Variants in ADNP2 observed in about 807,000 individuals in gnomAD.
ADNP2 encodes the protein ADNP homeobox 2, also known as activity-dependent neuroprotector homeobox protein 2.
In ADNP2, 8 loss-of-function variants were observed where a neutral mutation model predicts 16.4. The observed-to-expected ratio is 0.49, with a 90% CI of 0.29 to 0.88. ADNP2 has a LOEUF of 0.88. Ranked by LOEUF, ADNP2 falls within the 40% of genes least tolerant of loss-of-function variation. ADNP2 has a pLI of 0.09. For missense variants in ADNP2, 1,397 were observed against 1,395.1 expected, an observed-to-expected ratio of 1.00 and a Z score of -0.02; for synonymous variants, 637 against 545.8, an observed-to-expected ratio of 1.17 and a Z score of -2.33.
At chr18:80,134,004 T>G (rs2059200301) in intron 3 of ADNP2, among the ~76,000 whole-genome samples, 2 of 151,980 alleles carry the variant, frequency 1.3e-5, no homozygotes, top group African/African-American at 4.8e-5. Flanking sequence ...AGATAAGCAT[T>G]TTTATTTTTA....
At chr18:80,134,852 T>A (rs1015811838) in intron 3 of ADNP2, among the ~76,000 whole-genome samples, 2 of 152,186 alleles carry the variant, frequency 1.3e-5, no homozygotes, top group Non-Finnish European at 2.9e-5. Context: ...TCAGATAGTT[T>A]ATTGGGTACC....
chr18:80,124,587 C>G (rs1475067784), intron 2 of ADNP2, among the ~76,000 whole-genome samples: 1 of 152,144 alleles, frequency 6.6e-6, no homozygotes, highest in African/African-American at 2.4e-5. Flanking sequence ...TCCAGAAGAC[C>G]ACCAAACCCA....
intron 2 of ADNP2, among the ~76,000 whole-genome samples, chr18:80,119,727 A>G (rs1302428251): frequency 6.6e-6 from 1 of 152,168 alleles, no homozygotes; most frequent in Non-Finnish European, 1.5e-5. Context: ...GCACATAGAA[A>G]CTCTTTAGGA....
chr18:80,122,274 G>C (rs1453046178), intron 2 of ADNP2, among the ~76,000 whole-genome samples: 1 of 152,140 alleles, frequency 6.6e-6, no homozygotes, highest in East Asian at 1.9e-4. Flanking sequence ...TTTTGAAATT[G>C]GGAAGTGTGA....
At chr18:80,122,003 GCCTCCTGGGTT>G in intron 2 of ADNP2, among the ~76,000 whole-genome samples, 1 of 151,730 alleles carries the variant, frequency 6.6e-6, no homozygotes, top group Non-Finnish European at 1.5e-5. Flanking sequence ...TGCAACCTCT[GCCTCCTGGGTT>G]CAAGAAGTGA....
At chr18:80,119,781 G>T (rs995797189) in intron 2 of ADNP2, among the ~76,000 whole-genome samples, 1 of 152,154 alleles carries the variant, frequency 6.6e-6, no homozygotes, top group Non-Finnish European at 1.5e-5. Context: ...AATTAACATT[G>T]GATCTGGGAT....
In ADNP2 at chr18:80,137,795, G is replaced by A; in HGVS notation, c.2382G>A (p.Leu794=). 1.9e-6 allele frequency: 3 copies of A among 1,614,176 alleles called. No individual in the cohort carries two copies. Among genetic ancestry groups the A allele is most frequent in the Middle Eastern group, 1.6e-4 (1 of 6,062 alleles). The part of the protein sequence containing the change: ...GLSEHSRNRH[L]GKKKLPMDYS... ...CAGAGCACAGCAGGAATAGGCACCTGGGGAAGAAGAAGTTGCCTATGGATT... is the reference window on the plus strand; with the variant it reads ...CAGAGCACAGCAGGAATAGGCACCTAGGGAAGAAGAAGTTGCCTATGGATT... Residue 794 remains leucine, a synonymous_variant, in exon 4 of 4, where the codon CTG becomes CTA. Coordinates refer to ENST00000262198, the MANE Select transcript of ADNP2 (RefSeq NM_014913.4). The surrounding 1 kb of genome is among the most constrained non-coding windows in gnomAD (Gnocchi z 4.2).
rs2052556334 is a variant in ADNP2 at position 80,138,262 on chromosome 18, A to G, written c.2849A>G (p.Gln950Arg). The G allele has an allele frequency of 6.2e-7, 1 of 1,613,996 alleles. No individual in the cohort carries two copies. The highest frequency in any genetic ancestry group is 8.5e-7 in the Non-Finnish European group (1 of 1,180,046). The change falls in exon 4 of 4, where the codon CAG becomes CGG. Residue 950 changes from glutamine (Q) to arginine (R), a missense_variant. Gln to Arg is a conservative substitution (Grantham distance 43). Coordinates refer to ENST00000262198, the MANE Select transcript of ADNP2 (RefSeq NM_014913.4). ...SAPKDSSSDL[Q>R]AQPGFIHNSE... is the part of the protein sequence containing the mutation. ...CCCAAGGACAGCAGCTCAGACCTGC[A>G]GGCCCAGCCGGGTTTTATTCACAAC...
At chr18:80,117,502 T>C (rs376353332) in intron 1 of ADNP2, 28 bp from the exon 2 acceptor site, 14 of 1,429,900 alleles carry the variant, frequency 9.8e-6, no homozygotes, top group East Asian at 9.6e-5. Flanking sequence ...CATGTACTTA[T>C]TACAGTTTTG....
chr18:80,134,235 T>G (rs774387349), intron 3 of ADNP2, among the ~76,000 whole-genome samples: 16 of 152,148 alleles, frequency 1.1e-4, no homozygotes, highest in Admixed American at 4.6e-4. Context: ...TATCTCGTAA[T>G]GTAACTCCAG....
Position 80,136,473 on chromosome 18 carries a change from C to A in ADNP2, c.1060C>A (p.Pro354Thr), listed in dbSNP as rs775564981. Reference protein sequence around the residue: ...SLTLQPPAPQPVFLSHGVPLH... With the variant: ...SLTLQPPAPQTVFLSHGVPLH... ...CACCCTGCAGCCCCCAGCACCTCAG[C>A]CCGTCTTTCTTTCTCACGGGGTTCC... Residue 354 changes from proline (P) to threonine (T), a missense_variant, in exon 4 of 4, where the codon CCC (proline) becomes ACC (threonine). Coordinates refer to ENST00000262198, the MANE Select transcript of ADNP2 (RefSeq NM_014913.4). 1.2e-6 allele frequency: 2 copies of A among 1,614,142 alleles called. No individual in the cohort carries two copies. The highest frequency in any genetic ancestry group is 8.5e-7 in the Non-Finnish European group (1 of 1,180,020).
Position 80,136,957 on chromosome 18 carries a change from T to A in ADNP2, c.1544T>A (p.Val515Asp). ...PLRVISAGQV[V>D]PSGLLSPNQT... is the part of the protein sequence containing the mutation. ...AGGGTTATCTCTGCAGGCCAGGTGG[T>A]CCCGTCTGGGCTTCTTTCTCCCAAC... Residue 515 changes from valine to aspartate, a missense_variant, in exon 4 of 4, where the codon GTC becomes GAC. Physicochemically the swap from Val to Asp is radical, Grantham distance 152 (BLOSUM62 -3). Around this residue, in one of 3 missense-constraint regions of ADNP2, gnomAD observed 777 missense variants for 719.4 expected, o/e 1.08. Coordinates refer to ENST00000262198, the MANE Select transcript of ADNP2 (RefSeq NM_014913.4). 1 of 1,613,886 alleles carries A rather than the reference T, an allele frequency of 6.2e-7. No homozygotes were observed. The highest frequency in any genetic ancestry group is 8.5e-7 in the Non-Finnish European group (1 of 1,179,846).
chr18:80,117,637 A>G lies in ADNP2; in HGVS notation c.95A>G (p.Lys32Arg), dbSNP rs1281919365. Residue 32 changes from lysine to arginine, a missense_variant, in exon 2 of 4, where the codon AAG (lysine) becomes AGG (arginine). By Grantham distance (26) the Lys-to-Arg change is conservative. Around this residue, in one of 3 missense-constraint regions of ADNP2, gnomAD observed 777 missense variants for 719.4 expected, o/e 1.08. Coordinates refer to ENST00000262198, the MANE Select transcript of ADNP2 (RefSeq NM_014913.4). ...GTGGATATTGGGCTTGACAGCTGCA[A>G]GGAGTTACTGAAGGTAAGAGGACGT... The part of the protein sequence containing the change: ...ILVDIGLDSC[K>R]ELLKDLKGFD... 1.9e-6 allele frequency: 3 copies of G among 1,605,424 alleles called. No homozygotes were observed. Among genetic ancestry groups the G allele is most frequent in the African/African-American group, 2.7e-5 (2 of 74,380 alleles).
intron 2 of ADNP2, among the ~76,000 whole-genome samples, chr18:80,124,500 G>T (rs898426895): frequency 6.6e-6 from 1 of 152,218 alleles, no homozygotes; most frequent in African/African-American, 2.4e-5. Flanking sequence ...CATAGGGCAA[G>T]GTATAGGGGA....
Position 80,138,672 on chromosome 18 carries a change from G to A in ADNP2, c.3259G>A (p.Val1087Met). The change falls in exon 4 of 4, where the codon GTG becomes ATG. Residue 1087 changes from valine (V) to methionine (M), a missense_variant. Val to Met is a conservative substitution (Grantham distance 21, BLOSUM62 1). Transcript: ENST00000262198. Reference sequence around the variant, plus strand: ...ACTCTTTTGGGTGTGGAAAATTGATGTGGCTTCATTTTTTGGAAAAAGAAG... The same window carrying A: ...ACTCTTTTGGGTGTGGAAAATTGATATGGCTTCATTTTTTGGAAAAAGAAG... ...SSLFWVWKID[V>M]ASFFGKRRYI... The A allele has an allele frequency of 1.2e-6, 2 of 1,612,558 alleles. No homozygotes were observed. The highest frequency in any genetic ancestry group is 1.1e-5 in the South Asian group (1 of 90,254).
chr18:80,139,454 A>T lies in ADNP2; in HGVS notation c.*645A>T, dbSNP rs1305082851. The T allele has an allele frequency of 6.6e-6, 1 of 152,464 alleles. No individual in the cohort carries two copies. The highest frequency in any genetic ancestry group is 1.5e-5 in the Non-Finnish European group (1 of 68,026). The allele number at this position is 152,464 out of a possible 1,614,324, so 9.4% of individuals were successfully genotyped here. On this transcript the variant is annotated 3_prime_UTR_variant, in exon 4 of 4. Transcript: ENST00000262198. ...AAATCAAATGTTTTTATTTGTTAAA[A>T]GTAGACTGAATTTGACATCTGGTAT...
Position 80,137,806 on chromosome 18 carries a change from A to G in ADNP2, c.2393A>G (p.Lys798Arg). Residue 798 changes from lysine to arginine, a missense_variant, in exon 4 of 4, where the codon AAG becomes AGG. Lys to Arg is a conservative substitution (Grantham distance 26, BLOSUM62 2). Coordinates refer to ENST00000262198, the MANE Select transcript of ADNP2 (RefSeq NM_014913.4). The surrounding 1 kb of genome is among the most constrained non-coding windows in gnomAD (Gnocchi z 4.2). The stretch of plus-strand genomic sequence containing the variant: ...AGGAATAGGCACCTGGGGAAGAAGA[A>G]GTTGCCTATGGATTATAGCAACAGA... The part of the protein sequence containing the change: ...HSRNRHLGKK[K>R]LPMDYSNRGF... 2.5e-6 allele frequency: 4 copies of G among 1,614,188 alleles called. No individual in the cohort carries two copies. The highest frequency in any genetic ancestry group is 3.4e-6 in the Non-Finnish European group (4 of 1,180,030).
intron 2 of ADNP2, among the ~76,000 whole-genome samples, chr18:80,132,003 TG>T (rs2052500006): frequency 6.6e-6 from 1 of 152,208 alleles, no homozygotes; most frequent in African/African-American, 2.4e-5. Context: ...AGATGAAGAT[TG>T]TTTTACTTTG....
chr18:80,116,841 G>A (rs2052392520), intron 1 of ADNP2, among the ~76,000 whole-genome samples: 1 of 152,092 alleles, frequency 6.6e-6, no homozygotes, highest in Non-Finnish European at 1.5e-5. Context: ...TCACCATGTT[G>A]CCCTGGCTGG....
Sources: gnomAD v4.1 joint callset for allele counts (sites outside exome capture counted in the v4.1 genomes callset) on GRCh38, gnomAD v4.1.1 for gene constraint, gnomAD v4.1.1 regional missense constraint, Gnocchi (gnomAD v3.1) non-coding constraint, MANE v1.5 for transcripts, NCBI Gene and HGNC (gene_info 2026-07-23, HGNC 2026-07-21) for gene names.